Variants in NEDD4 observed in about 807,000 individuals in gnomAD.
NEDD4 encodes E3 ubiquitin-protein ligase NEDD4.
Under a neutral mutation model 144.9 loss-of-function variants are expected in NEDD4, and 99 were observed. The ratio of observed to expected loss-of-function variants is 0.68; its 90% CI spans 0.58 to 0.81. The LOEUF (loss-of-function observed/expected upper bound fraction) is 0.81. Among genes scored for constraint, NEDD4 ranks in the 30% least tolerant of loss-of-function variants. The pLI, the probability that NEDD4 is intolerant of heterozygous loss-of-function variation, is 0.00. For synonymous variants in NEDD4, 318 were observed against 350.6 expected, an observed-to-expected ratio of 0.91 and a Z score of 1.04; for missense variants, 985 against 1,065.9, an observed-to-expected ratio of 0.92 and a Z score of 1.06.
At chr15:55,890,959 CT>C (rs1190324583) in intron 5 of NEDD4, among the ~76,000 whole-genome samples, 1 of 152,188 alleles carries the variant, frequency 6.6e-6, no homozygotes, top group African/African-American at 2.4e-5. Flanking sequence ...TTCCCTACAG[CT>C]TTCATCTCCA....
chr15:55,899,664 T>C lies in NEDD4; in HGVS notation c.291+24982A>G, dbSNP rs146126184. On this transcript the variant is annotated intron_variant, in intron 5 of 28. Transcript: ENST00000435532. ...GCGTTTTCCTCAATACACTGGATCA[T>C]TGTGAAAGTACAGGGGTATCAATGT... Among the ~76,000 whole-genome samples, 523 of 152,328 alleles carry C rather than the reference T, an allele frequency of 3.4e-3. 2 individuals carry two copies. The highest frequency in any genetic ancestry group is 6.8e-3 in the Middle Eastern group (2 of 294).
intron 1 of NEDD4, among the ~76,000 whole-genome samples, chr15:55,979,345 T>C (rs1239341700): frequency 3.3e-5 from 4 of 119,684 alleles, no homozygotes; most frequent in East Asian, 2.6e-4. Flanking sequence ...ACCTCTTTTT[T>C]TTTTTTTTTT....
At chr15:55,901,033 A>G (rs2035899068) in intron 5 of NEDD4, among the ~76,000 whole-genome samples, 1 of 152,208 alleles carries the variant, frequency 6.6e-6, no homozygotes, top group Admixed American at 6.5e-5. Flanking sequence ...GAATGCTATT[A>G]GCGAAAACTG....
chr15:55,909,008 C>T (rs561744855), intron 5 of NEDD4, among the ~76,000 whole-genome samples: 1 of 152,294 alleles, frequency 6.6e-6, no homozygotes, highest in South Asian at 2.1e-4. Flanking sequence ...AAGACATTGT[C>T]TACTATATCA....
chr15:55,986,891 G>A (rs536916117), intron 1 of NEDD4, among the ~76,000 whole-genome samples: 44 of 152,026 alleles, frequency 2.9e-4, no homozygotes, highest in Admixed American at 1.3e-3. Context: ...CACCGCGCCC[G>A]GCCAAGGCCT....
intron 24 of NEDD4, among the ~76,000 whole-genome samples, chr15:55,837,562 G>A (rs2033270921): frequency 6.6e-6 from 1 of 152,108 alleles, no homozygotes. Context: ...AAAGTGAAGA[G>A]AATGGAATAG....
intron 4 of NEDD4, among the ~76,000 whole-genome samples, chr15:55,931,574 A>G (rs1209872559): frequency 3.9e-5 from 6 of 152,236 alleles, no homozygotes; most frequent in Non-Finnish European, 7.3e-5. Flanking sequence ...ATGTTAGTCT[A>G]TAAATGCATA....
intron 5 of NEDD4, among the ~76,000 whole-genome samples, chr15:55,875,826 G>C (rs938265445): frequency 6.6e-6 from 1 of 151,908 alleles, no homozygotes; most frequent in Admixed American, 6.6e-5. Flanking sequence ...AAAGGGGATA[G>C]GTAATAGGGC....
intron 2 of NEDD4, among the ~76,000 whole-genome samples, chr15:55,957,697 C>T (rs1398146612): frequency 6.6e-6 from 1 of 152,100 alleles, no homozygotes; most frequent in East Asian, 1.9e-4. Flanking sequence ...GCACTATTCA[C>T]AATAGCAAAG....
intron 5 of NEDD4, among the ~76,000 whole-genome samples, chr15:55,903,250 C>T (rs2035968393): frequency 6.6e-6 from 1 of 151,912 alleles, no homozygotes. Flanking sequence ...TAATCTTTTC[C>T]AAGCAGCTTT....
At position 55,899,330 on chromosome 15, in the gene NEDD4, T is replaced by A. The variant is rs1301305609; in HGVS notation, c.291+25316A>T. 2.0e-5 allele frequency among the ~76,000 whole-genome samples: 3 copies of A among 152,338 alleles called. No individual in the cohort carries two copies. The East Asian group carries it at 5.8e-4, about 29-fold the overall frequency. On this transcript the variant is annotated intron_variant, in intron 5 of 28. Coordinates refer to ENST00000435532, the MANE Select transcript of NEDD4 (RefSeq NM_006154.4). ...AAAAATGTATTTCAGAAGTAGAAAC[T>A]GATTATTCTTACAATTTGATTACCT...
chr15:55,899,568 T>C (rs2142149739), intron 5 of NEDD4, among the ~76,000 whole-genome samples: 1 of 152,266 alleles, frequency 6.6e-6, no homozygotes, highest in Non-Finnish European at 1.5e-5. Context: ...CAGGTACCAG[T>C]AGAGAAAAAT....
At chr15:55,851,057 G>A (rs1938593302) in intron 13 of NEDD4, among the ~76,000 whole-genome samples, 2 of 152,150 alleles carry the variant, frequency 1.3e-5, no homozygotes, top group African/African-American at 4.8e-5. Flanking sequence ...GCATCTGACT[G>A]AAGGAGCGAG....
At chr15:55,852,571 AAT>A (rs1595750094) in intron 12 of NEDD4, 28 bp from the exon 13 acceptor site, 1 of 1,608,276 alleles carries the variant, frequency 6.2e-7, no homozygotes, top group African/African-American at 1.3e-5. Flanking sequence ...AGAAGAATTA[AAT>A]ACATCAAGTT....
At chr15:55,918,687 C>T (rs1444037436) in intron 5 of NEDD4, among the ~76,000 whole-genome samples, 3 of 152,004 alleles carry the variant, frequency 2.0e-5, no homozygotes, top group Non-Finnish European at 4.4e-5. Flanking sequence ...GAATTCATTG[C>T]ATTTCATTTG....
At chr15:55,857,748 A>G (rs1268419471) in intron 11 of NEDD4, among the ~76,000 whole-genome samples, 13 of 152,212 alleles carry the variant, frequency 8.5e-5, no homozygotes, top group Admixed American at 7.9e-4. Context: ...GAGCCTGGGA[A>G]ACAATACTAT....
chr15:55,952,906 T>C (rs74015343), intron 2 of NEDD4, among the ~76,000 whole-genome samples: 2,954 of 152,312 alleles, frequency 0.019, 109 homozygotes, highest in African/African-American at 0.068. Flanking sequence ...AGAGGCAGTT[T>C]TTAATAATAA....
chr15:55,927,241 G>C (rs2036691816), intron 4 of NEDD4, among the ~76,000 whole-genome samples: 1 of 152,038 alleles, frequency 6.6e-6, no homozygotes, highest in Admixed American at 6.6e-5. Flanking sequence ...TGCACAGCAA[G>C]GTCACATGAG....
At chr15:55,973,356 C>A (rs2037643310) in intron 1 of NEDD4, among the ~76,000 whole-genome samples, 2 of 152,152 alleles carry the variant, frequency 1.3e-5, no homozygotes, top group Admixed American at 1.3e-4. Flanking sequence ...CTGGGCAACA[C>A]AGTCAGGCCC....
Sources: allele counts gnomAD v4.1 joint callset (sites outside exome capture counted in the v4.1 genomes callset), GRCh38; gene constraint gnomAD v4.1.1; transcripts MANE v1.5; gene names NCBI Gene and HGNC (gene_info 2026-07-23, HGNC 2026-07-21).